GFPT2: variants seen among roughly 807,000 people sequenced by gnomAD.
The protein encoded by GFPT2 is glutamine--fructose-6-phosphate aminotransferase [isomerizing] 2.
Under a neutral mutation model 85.6 loss-of-function variants are expected in GFPT2, and 62 were observed. The observed-to-expected ratio is 0.72, with a 90% confidence interval of 0.59 to 0.90. The LOEUF is 0.90. Ranked by LOEUF, GFPT2 falls within the 40% of genes least tolerant of loss-of-function variation. The probability of loss-of-function intolerance (pLI) is 0.00; values close to 1 mark genes in which losing one functional copy is unlikely to be tolerated. For synonymous variants in GFPT2, 368 were observed against 344.5 expected (o/e 1.07, Z -0.75); for missense variants, 788 against 893.4 (o/e 0.88, Z 1.50).
In GFPT2 at chr5:180,331,917, C is replaced by T. The variant is rs971511602; in HGVS notation, c.341-364G>A. Among the ~76,000 whole-genome samples the T allele has an allele frequency of 3.9e-5, 6 of 152,198 alleles. 1 individual carries two copies. The highest frequency in any genetic ancestry group is 6.3e-3 in the Middle Eastern group (2 of 316). ...CACGGGGATGATGAGCCCTTCGTTC[C>T]AGAAGTGATTCCAGGCACTCTCAAC... On this transcript the variant is annotated intron_variant, in intron 4 of 18. Transcript: ENST00000253778.
chr5:180,336,424 C>G lies in GFPT2; in HGVS notation c.214+55G>C. On this transcript the variant is annotated intron_variant, in intron 3 of 18. Coordinates refer to ENST00000253778, the MANE Select transcript of GFPT2 (RefSeq NM_005110.4). Reference sequence around the variant, plus strand: ...TCTCCGGCGCTGTTGGAATACGGTCCTAGAAAGCGGCCGGCGCTGCAGCGG... The same window carrying G: ...TCTCCGGCGCTGTTGGAATACGGTCGTAGAAAGCGGCCGGCGCTGCAGCGG... The G allele has an allele frequency of 4.2e-6, 4 of 954,500 alleles. No individual in the cohort carries two copies. The Admixed American group carries it at 6.8e-5, about 16-fold the overall frequency. 59.1% of individuals were successfully genotyped at this position (954,500 alleles called of 1,614,324 possible).
At chr5:180,321,183 A>T (rs1327165634) in intron 9 of GFPT2, among the ~76,000 whole-genome samples, 3 of 148,154 alleles carry the variant, frequency 2.0e-5, no homozygotes, top group Non-Finnish European at 4.4e-5. Flanking sequence ...ATAGAAATAT[A>T]TTTTTTTGTA....
intron 1 of GFPT2, among the ~76,000 whole-genome samples, 155 bp from the exon 2 acceptor site, chr5:180,338,755 T>C (rs2127656097): frequency 6.6e-6 from 1 of 152,244 alleles, no homozygotes; most frequent in South Asian, 2.1e-4. Flanking sequence ...TGAAGAACGG[T>C]GCACCCCTTC....
chr5:180,344,920 GC>G (rs1381801796), intron 1 of GFPT2, among the ~76,000 whole-genome samples: 1 of 152,184 alleles, frequency 6.6e-6, no homozygotes, highest in Non-Finnish European at 1.5e-5. Flanking sequence ...CCAGCCCAGG[GC>G]CACCCGCCTG....
At chr5:180,348,460 G>A (rs927815524) in intron 1 of GFPT2, among the ~76,000 whole-genome samples, 32 of 152,238 alleles carry the variant, frequency 2.1e-4, no homozygotes, top group African/African-American at 7.5e-4. Flanking sequence ...CCACCTCCTT[G>A]CAGAAACAAG....
chr5:180,303,362 G>A (rs1763716991), intron 17 of GFPT2, among the ~76,000 whole-genome samples: 1 of 152,202 alleles, frequency 6.6e-6, no homozygotes, highest in Non-Finnish European at 1.5e-5. Flanking sequence ...CCTAAATGAT[G>A]AGGGGACAAC....
At chr5:180,314,526 C>A (rs1011655736) in intron 13 of GFPT2, among the ~76,000 whole-genome samples, 1 of 152,160 alleles carries the variant, frequency 6.6e-6, no homozygotes, top group African/African-American at 2.4e-5. Context: ...GTTTGTGAGT[C>A]CTAAAGCACT....
chr5:180,319,050 G>A (rs976651877), intron 9 of GFPT2, 94 bp from the exon 10 acceptor site: 15 of 1,202,842 alleles, frequency 1.2e-5, no homozygotes, highest in Non-Finnish European at 1.7e-5. Context: ...AGGCCACATC[G>A]TTGGCATTTT....
In GFPT2 at chr5:180,332,400, C is replaced by T. The variant is rs924326625; in HGVS notation, c.341-847G>A. ...TGGGCAAGTAGCTCCGTTTCCCTCT[C>T]CCCCTAGAGGACAGAAAGATTCCCT... On this transcript the variant is annotated intron_variant, in intron 4 of 18. Coordinates refer to ENST00000253778, the MANE Select transcript of GFPT2 (RefSeq NM_005110.4). 4.6e-5 allele frequency among the ~76,000 whole-genome samples: 7 copies of T among 152,318 alleles called. No individual in the cohort carries two copies. In the East Asian group the frequency reaches 1.3e-3, roughly 29 times the overall value.
Position 180,301,301 on chromosome 5 carries a change from T to C in GFPT2, c.*263A>G. On this transcript the variant is annotated 3_prime_UTR_variant, in exon 19 of 19. Transcript: ENST00000253778. Reference sequence around the variant, plus strand: ...GTTACTCTGAAGAGAGCTGTATCTCTATTGCACAGTAGTGGAGAAGTCTGC... The same window carrying C: ...GTTACTCTGAAGAGAGCTGTATCTCCATTGCACAGTAGTGGAGAAGTCTGC... 3.7e-6 allele frequency: 2 copies of C among 540,770 alleles called. No individual in the cohort carries two copies. The highest frequency in any genetic ancestry group is 2.9e-5 in the East Asian group (1 of 34,212). The allele number at this position is 540,770 out of a possible 1,614,324, so 33.5% of individuals were successfully genotyped here. A position where few individuals can be genotyped will look rare whatever the true frequency, so the allele number is the denominator to read the frequency against.
At position 180,318,173 on chromosome 5, in the gene GFPT2, G is replaced by C. The variant is rs887031026; in HGVS notation, c.958+620C>G. Among the ~76,000 whole-genome samples, 2 of 152,164 alleles carry C rather than the reference G, an allele frequency of 1.3e-5. No individual in the cohort carries two copies. The highest frequency in any genetic ancestry group is 2.9e-5 in the Non-Finnish European group (2 of 68,024). ...AAGAACAGCGAATGCAGGGGCTGTGGCGGGGCACAGTGGGACAGAGGGTTG... is the reference window on the plus strand; with the variant it reads ...AAGAACAGCGAATGCAGGGGCTGTGCCGGGGCACAGTGGGACAGAGGGTTG... On this transcript the variant is annotated intron_variant, in intron 10 of 18. Coordinates refer to ENST00000253778, the MANE Select transcript of GFPT2 (RefSeq NM_005110.4). The surrounding 1 kb of genome is among the most constrained non-coding windows in gnomAD (Gnocchi z 4.2).
rs369284217 is a variant in GFPT2 at position 180,304,863 on chromosome 5, A to G, written c.1751T>C (p.Ile584Thr). ...CATGATGACGGGCATCTGCTTGTCA[A>G]TCAGTGCCAGGGGCCCGTGCTTCAG... ...GELKHGPLAL[I>T]DKQMPVIMVI... The change falls in exon 17 of 19, where the codon ATT becomes ACT. Residue 584 changes from isoleucine (I) to threonine (T), a missense_variant. By Grantham distance (89) the Ile-to-Thr change is moderately conservative (BLOSUM62 -1). Coordinates refer to ENST00000253778, the MANE Select transcript of GFPT2 (RefSeq NM_005110.4). The G allele has an allele frequency of 3.1e-6, 5 of 1,612,746 alleles. No individual in the cohort carries two copies. Among genetic ancestry groups the G allele is most frequent in the African/African-American group, 2.7e-5 (2 of 74,910 alleles).
rs529262944 is a variant in GFPT2 at position 180,312,736 on chromosome 5, C to A, written c.1432-192G>T. The stretch of plus-strand genomic sequence containing the variant: ...GTAACTGGGACTACAGGTGCCACCA[C>A]CCTGCCCAGTTAATTTTTAGGTTTT... On this transcript the variant is annotated intron_variant, in intron 14 of 18. Transcript: ENST00000253778. Among the ~76,000 whole-genome samples the A allele has an allele frequency of 1.3e-3, 197 of 152,020 alleles. 1 individual carries two copies. The highest frequency in any genetic ancestry group is 4.6e-3 in the African/African-American group (191 of 41,450).
In GFPT2 at chr5:180,302,516, C is replaced by T. The variant is rs1763696205; in HGVS notation, c.1911G>A (p.Glu637=). 1.2e-6 allele frequency: 2 copies of T among 1,613,880 alleles called. No homozygotes were observed. Among genetic ancestry groups the T allele is most frequent in the South Asian group, 2.2e-5 (2 of 91,086 alleles). ...GGAGGCAGTCCACAGTGTGGGGCAG[C>T]TCAATTGTCTTATACGCAAACTTGG... The part of the protein sequence containing the change: ...ESSKFAYKTI[E]LPHTVDCLQG... Residue 637 remains glutamate, a synonymous_variant, in exon 18 of 19, where the codon GAG becomes GAA. Coordinates refer to ENST00000253778, the MANE Select transcript of GFPT2 (RefSeq NM_005110.4).
intron 9 of GFPT2, among the ~76,000 whole-genome samples, chr5:180,320,141 C>T (rs1454373773): frequency 6.6e-6 from 1 of 151,920 alleles, no homozygotes; most frequent in Non-Finnish European, 1.5e-5. Context: ...TACAGGTGCC[C>T]GACACCATGC....
At position 180,330,123 on chromosome 5, in the gene GFPT2, C is replaced by G. The variant is rs1270632583; in HGVS notation, c.534+577G>C. On this transcript the variant is annotated intron_variant, in intron 6 of 18. Transcript: ENST00000253778. The surrounding 1 kb of genome is among the most constrained non-coding windows in gnomAD (Gnocchi z 4.4). ...ATCACTTAAAGTCAGGAGTTCGAGA[C>G]CAGCCTGGTCAACATAGTGAAACCC... 2.0e-5 allele frequency among the ~76,000 whole-genome samples: 3 copies of G among 152,188 alleles called. No homozygotes were observed. The highest frequency in any genetic ancestry group is 4.4e-5 in the Non-Finnish European group (3 of 68,038).
rs1359643485 is a variant in GFPT2, at chr5:180,318,150, G to C, written c.958+643C>G. On this transcript the variant is annotated intron_variant, in intron 10 of 18. Coordinates refer to ENST00000253778, the MANE Select transcript of GFPT2 (RefSeq NM_005110.4). This position sits in a 1 kb window ranked among gnomAD's most constrained non-coding sequence, Gnocchi z 4.2. ...TGAAAAGGAACCAGTCCTATGAGAA[G>C]AACAGCGAATGCAGGGGCTGTGGCG... Among the ~76,000 whole-genome samples the C allele has an allele frequency of 6.6e-6, 1 of 152,174 alleles. No individual in the cohort carries two copies. The highest frequency in any genetic ancestry group is 2.4e-5 in the African/African-American group (1 of 41,436).
chr5:180,327,696 G>A (rs1457182667), intron 7 of GFPT2, among the ~76,000 whole-genome samples: 1 of 152,212 alleles, frequency 6.6e-6, no homozygotes, highest in Non-Finnish European at 1.5e-5. Context: ...ATCAACCTAT[G>A]TGAATATAAA....
At chr5:180,307,325 G>C in intron 15 of GFPT2, 22 bp from the exon 16 acceptor site, 1 of 1,613,026 alleles carries the variant, frequency 6.2e-7, no homozygotes, top group Non-Finnish European at 8.5e-7. Context: ...ACGGAGCAGA[G>C]GGAGAAAACC....
Sources: gnomAD v4.1 joint callset for allele counts (sites outside exome capture counted in the v4.1 genomes callset) on GRCh38, gnomAD v4.1.1 for gene constraint, Gnocchi (gnomAD v3.1) non-coding constraint, MANE v1.5 for transcripts, NCBI Gene and HGNC (gene_info 2026-07-23, HGNC 2026-07-21) for gene names.